STRN4: variants seen among roughly 807,000 people sequenced by gnomAD.
STRN4 encodes the protein striatin 4, also known as striatin-4.
STRN4 carries 27 observed loss-of-function variants against 77.9 expected under a neutral mutation model. The ratio of observed to expected loss-of-function variants is 0.35; its 90% CI spans 0.26 to 0.48. The LOEUF is 0.48. Among genes scored for constraint, STRN4 ranks in the 20% least tolerant of loss-of-function variants. STRN4 has a pLI of 0.99. For synonymous variants in STRN4, 466 were observed against 443.1 expected, an observed-to-expected ratio of 1.05 and a Z score of -0.65; for missense variants, 798 against 1,049.7, an observed-to-expected ratio of 0.76 and a Z score of 3.31.
intron 4 of STRN4, chr19:46,736,202 T>C (rs1419063433): frequency 6.8e-6 from 1 of 146,544 alleles, no homozygotes; most frequent in African/African-American, 2.5e-5. Flanking sequence ...CTGAGGTGGA[T>C]GGAGGCAGAG....
intron 6 of STRN4, chr19:46,728,993 T>G: frequency 1.8e-6 from 1 of 557,800 alleles, no homozygotes; most frequent in Non-Finnish European, 3.1e-6. Context: ...CACGCAGTCC[T>G]TCCCCTAGCC....
chr19:46,729,028 C>A (rs1340511675), intron 6 of STRN4, among the ~76,000 whole-genome samples: 1 of 152,212 alleles, frequency 6.6e-6, no homozygotes, highest in Non-Finnish European at 1.5e-5. Flanking sequence ...TCCAGTCCCC[C>A]AGCAAGGTGC....
intron 4 of STRN4, 40 bp downstream of exon 4, chr19:46,736,783 G>T: frequency 6.3e-7 from 1 of 1,596,748 alleles, no homozygotes; most frequent in Non-Finnish European, 8.6e-7. Context: ...CAAGCCAAAC[G>T]TGTCACGTGT....
intron 4 of STRN4, among the ~76,000 whole-genome samples, chr19:46,735,148 A>C (rs923574634): frequency 6.6e-6 from 1 of 152,032 alleles, no homozygotes; most frequent in Admixed American, 6.5e-5. Context: ...TTTACTAAAA[A>C]TACAAAAATT....
Position 46,738,731 on chromosome 19 carries a change from C to G in STRN4, c.386+54G>C. 6.3e-7 allele frequency: 1 copy of G among 1,580,342 alleles called. No homozygotes were observed. The highest frequency in any genetic ancestry group is 8.7e-7 in the Non-Finnish European group (1 of 1,150,358). On this transcript the variant is annotated intron_variant, in intron 2 of 17. Transcript: ENST00000263280. The surrounding 1 kb of genome is among the most constrained non-coding windows in gnomAD (Gnocchi z 4.5). ...GGAGGCGTGGCTGGTGGCCTCCTGA[C>G]ACTGTGCTTGAGACGGACCCAGAAG...
chr19:46,737,853 C>T (rs2054399628), intron 3 of STRN4, among the ~76,000 whole-genome samples: 1 of 152,172 alleles, frequency 6.6e-6, no homozygotes, highest in African/African-American at 2.4e-5. Flanking sequence ...CCCCGGCTTT[C>T]CCGCACCGTC....
chr19:46,738,127 G>A lies in STRN4; in HGVS notation c.460+37C>T. The A allele has an allele frequency of 1.3e-6, 2 of 1,597,106 alleles. No individual in the cohort carries two copies. The highest frequency in any genetic ancestry group is 1.7e-6 in the Non-Finnish European group (2 of 1,164,382). On this transcript the variant is annotated intron_variant, in intron 3 of 17. Transcript: ENST00000263280. The surrounding 1 kb of genome is among the most constrained non-coding windows in gnomAD (Gnocchi z 4.5). ...TCTCCAGAACACTCAGCTTCTGCGG[G>A]AGGGTGCCGACAGTGCGAGCATCAG...
intron 6 of STRN4, among the ~76,000 whole-genome samples, chr19:46,730,471 T>C (rs1044721164): frequency 3.9e-5 from 6 of 152,132 alleles, no homozygotes; most frequent in Non-Finnish European, 4.4e-5. Flanking sequence ...AGCCCGGGGC[T>C]CAGGGAAAGC....
chr19:46,732,574 A>C (rs2054277543), intron 5 of STRN4: 1 of 156,344 alleles, frequency 6.4e-6, no homozygotes, highest in Non-Finnish European at 1.4e-5. Context: ...CTCCCTGCCC[A>C]CCCCCTGCAG....
At chr19:46,734,967 G>A (rs1007676126) in intron 4 of STRN4, among the ~76,000 whole-genome samples, 4 of 152,002 alleles carry the variant, frequency 2.6e-5, no homozygotes, top group Non-Finnish European at 4.4e-5. Context: ...CCCGGCCGAT[G>A]TTTGCAACTC....
chr19:46,726,348 G>C (rs1259176398), intron 9 of STRN4: 1 of 152,268 alleles, frequency 6.6e-6, no homozygotes, highest in Non-Finnish European at 1.5e-5. Flanking sequence ...TTAGGGGCAG[G>C]TAAAAGTAGC....
Position 46,725,369 on chromosome 19 carries a change from G to A in STRN4, c.1435C>T (p.Leu479=), listed in dbSNP as rs199642611. The part of the protein sequence containing the change: ...KAVTAKKNAA[L]DVEPIHAFRA... Reference sequence around the variant, plus strand: ...AAAGCATGTATAGGTTCCACATCTAGCGCCGCATTCCTGTGGGATGACAGA... The same window carrying A: ...AAAGCATGTATAGGTTCCACATCTAACGCCGCATTCCTGTGGGATGACAGA... The change falls in exon 11 of 18, where the codon CTA becomes TTA. Residue 479 remains leucine, a synonymous_variant. Coordinates refer to ENST00000263280, the MANE Select transcript of STRN4 (RefSeq NM_013403.3). 8 of 1,614,162 alleles carry A rather than the reference G, an allele frequency of 5.0e-6. No homozygotes were observed. The East Asian group carries it at 1.8e-4, about 36-fold the overall frequency.
intron 9 of STRN4, 119 bp downstream of exon 9, chr19:46,727,333 T>C: frequency 1.2e-6 from 1 of 838,630 alleles, no homozygotes; most frequent in Non-Finnish European, 1.9e-6. Flanking sequence ...TGTCTACATC[T>C]GCACCCCTCT....
chr19:46,733,247 G>A lies in STRN4; in HGVS notation c.540-11C>T, dbSNP rs747427269. On this transcript the variant is annotated splice_polypyrimidine_tract_variant and intron_variant, in intron 4 of 17. Coordinates refer to ENST00000263280, the MANE Select transcript of STRN4 (RefSeq NM_013403.3). The surrounding 1 kb of genome is among the most constrained non-coding windows in gnomAD (Gnocchi z 4.3). The stretch of plus-strand genomic sequence containing the variant: ...ACCTCTTCCAGGTACCTGCAGGGGT[G>A]CAGAGCCACGTGGGTCAGACATCCC... The A allele has an allele frequency of 1.9e-6, 3 of 1,606,998 alleles. No homozygotes were observed. The highest frequency in any genetic ancestry group is 2.5e-6 in the Non-Finnish European group (3 of 1,179,254).
chr19:46,722,838 G>A lies in STRN4; in HGVS notation c.1878C>T (p.Leu626=), dbSNP rs1162930439. 6.2e-7 allele frequency: 1 copy of A among 1,613,798 alleles called. No individual in the cohort carries two copies. Among genetic ancestry groups the A allele is most frequent in the Non-Finnish European group, 8.5e-7 (1 of 1,180,042 alleles). ...VLYDMEVGSA[L]LTLESRGSSG... is the part of the protein sequence containing the mutation. ...TGCTGCCCCGGGACTCCAGCGTGAG[G>A]AGGGCACTGCCAACCTCCATGTCAT... The change falls in exon 14 of 18, where the codon CTC becomes CTT. Residue 626 remains leucine (L), a synonymous_variant. Transcript: ENST00000263280.
intron 4 of STRN4, chr19:46,736,131 C>T (rs1023824579): frequency 7.3e-5 from 11 of 150,964 alleles, no homozygotes; most frequent in African/African-American, 2.0e-4. Context: ...AAAAATTAGC[C>T]GGGTGTGATG....
chr19:46,737,303 T>C (rs1435629898), intron 3 of STRN4, among the ~76,000 whole-genome samples: 1 of 152,216 alleles, frequency 6.6e-6, no homozygotes, highest in Non-Finnish European at 1.5e-5. Flanking sequence ...CATCTCCCTC[T>C]TGGGAGTGCT....
At chr19:46,731,804 C>T (rs998062368) in intron 5 of STRN4, 1 of 152,596 alleles carries the variant, frequency 6.6e-6, no homozygotes, top group South Asian at 2.1e-4. Flanking sequence ...GGAGAGCACC[C>T]GGGCAGTCCC....
chr19:46,724,412 T>C (rs1237839209), intron 12 of STRN4, among the ~76,000 whole-genome samples: 1 of 152,182 alleles, frequency 6.6e-6, no homozygotes, highest in East Asian at 1.9e-4. Context: ...CTGCTTTCTC[T>C]GGACATGCCC....
Sources: allele counts gnomAD v4.1 joint callset (sites outside exome capture counted in the v4.1 genomes callset), GRCh38; gene constraint gnomAD v4.1.1; non-coding constraint Gnocchi (gnomAD v3.1); transcripts MANE v1.5; gene names NCBI Gene and HGNC (gene_info 2026-07-23, HGNC 2026-07-21).